The following SGPP2 variants were observed in gnomAD, a reference collection of about 807,000 sequenced individuals.
The protein encoded by SGPP2 is sphingosine-1-phosphate phosphatase 2.
Under a neutral mutation model 33.9 loss-of-function variants are expected in SGPP2, and 30 were observed. That is an observed-to-expected ratio of 0.89 (90% confidence interval 0.66 to 1.20). The LOEUF (loss-of-function observed/expected upper bound fraction) is 1.20, where lower values mean the gene tolerates loss of function less well. Among genes scored for constraint, SGPP2 ranks in the 50% most tolerant of loss-of-function variants. The pLI, the probability that SGPP2 is intolerant of heterozygous loss-of-function variation, is 0.00. For synonymous variants in SGPP2, 233 were observed against 225.0 expected, an observed-to-expected ratio of 1.04 and a Z score of -0.32; for missense variants, 458 against 532.1, an observed-to-expected ratio of 0.86 and a Z score of 1.37.
chr2:222,459,651 T>C (rs905673866), intron 1 of SGPP2, among the ~76,000 whole-genome samples: 185 of 151,190 alleles, frequency 1.2e-3, no homozygotes, highest in African/African-American at 4.2e-3. Context: ...CTCAGAGAGA[T>C]TGAGAGAGAG....
intron 4 of SGPP2, among the ~76,000 whole-genome samples, chr2:222,547,918 G>A (rs1436594084): frequency 6.6e-6 from 1 of 152,080 alleles, no homozygotes. Context: ...ATTAATTAAT[G>A]AAAGTACCAG....
chr2:222,506,766 A>G (rs895796378), intron 2 of SGPP2, among the ~76,000 whole-genome samples: 23 of 152,218 alleles, frequency 1.5e-4, no homozygotes, highest in African/African-American at 5.3e-4. Context: ...ATTACAAAAC[A>G]TAACTAACGA....
chr2:222,431,913 G>A (rs1697163456), intron 1 of SGPP2, among the ~76,000 whole-genome samples: 1 of 152,194 alleles, frequency 6.6e-6, no homozygotes, highest in African/African-American at 2.4e-5. Flanking sequence ...CAGCCTCCCT[G>A]GAGAAAGGCA....
chr2:222,424,913 C>G (rs1266964111), intron 1 of SGPP2, 92 bp downstream of exon 1: 2 of 1,069,616 alleles, frequency 1.9e-6, no homozygotes, highest in Non-Finnish European at 2.4e-6. Flanking sequence ...CCGGCCGGGC[C>G]GAGAGGGCGC....
At position 222,558,471 on chromosome 2, in the gene SGPP2, T is replaced by A; in HGVS notation, c.773T>A (p.Phe258Tyr). 1.2e-6 allele frequency: 2 copies of A among 1,614,140 alleles called. No homozygotes were observed. Among genetic ancestry groups the A allele is most frequent in the Non-Finnish European group, 1.7e-6 (2 of 1,180,018 alleles). ...LFPVCVIVVP[F>Y]FLCYNYPVSD... ...CCCGTGTGTGTCATAGTTGTGCCAT[T>A]CTTCCTGTGTTACAATTACCCTGTT... The change falls in exon 5 of 5, where the codon TTC (phenylalanine) becomes TAC (tyrosine). Residue 258 changes from phenylalanine (F) to tyrosine (Y), a missense_variant. Coordinates refer to ENST00000321276, the MANE Select transcript of SGPP2 (RefSeq NM_152386.4).
At chr2:222,470,242 C>T (rs1274408653) in intron 1 of SGPP2, among the ~76,000 whole-genome samples, 1 of 152,100 alleles carries the variant, frequency 6.6e-6, no homozygotes, top group Non-Finnish European at 1.5e-5. Context: ...TGTAACAAAC[C>T]TGCACGATCT....
intron 1 of SGPP2, among the ~76,000 whole-genome samples, chr2:222,444,142 G>A (rs58818706): frequency 6.6e-6 from 1 of 152,218 alleles, no homozygotes; most frequent in African/African-American, 2.4e-5. Context: ...TCTTGTTGTA[G>A]AGCATGGGTG....
rs769856819 is a variant in SGPP2 at position 222,424,693 on chromosome 2, C to T, written c.91C>T (p.Pro31Ser). 3.4e-6 allele frequency: 5 copies of T among 1,451,572 alleles called. No individual in the cohort carries two copies. Among genetic ancestry groups the T allele is most frequent in the South Asian group, 2.6e-5 (2 of 75,620 alleles). The allele number at this position is 1,451,572 out of a possible 1,614,324, so 89.9% of individuals were successfully genotyped here. Residue 31 changes from proline to serine, a missense_variant, in exon 1 of 5, where the codon CCC becomes TCC. By Grantham distance (74) the Pro-to-Ser change is moderately conservative (BLOSUM62 -1). Transcript: ENST00000321276. ...CGLFPAPDEG[P>S]RENGADPTER... ...GCTCTTCCCCGCTCCGGATGAAGGC[C>T]CCCGGGAGAACGGCGCGGACCCCAC... is the stretch of plus-strand genomic sequence containing the variant.
intron 2 of SGPP2, among the ~76,000 whole-genome samples, chr2:222,486,620 G>C (rs748253491): frequency 7.2e-5 from 11 of 152,134 alleles, no homozygotes; most frequent in Non-Finnish European, 1.3e-4. Flanking sequence ...TGCTAGATGC[G>C]GGGTTGTGGC....
At chr2:222,438,402 G>A (rs1413564277) in intron 1 of SGPP2, among the ~76,000 whole-genome samples, 10 of 152,216 alleles carry the variant, frequency 6.6e-5, no homozygotes, top group Non-Finnish European at 8.8e-5. Flanking sequence ...GATATCTTGC[G>A]AAAGTGAAAA....
At chr2:222,437,705 C>T (rs1273103806) in intron 1 of SGPP2, among the ~76,000 whole-genome samples, 1 of 152,200 alleles carries the variant, frequency 6.6e-6, no homozygotes, top group African/African-American at 2.4e-5. Context: ...GGTCAGAAAG[C>T]ACCCAGTTCA....
At position 222,460,297 on chromosome 2, in the gene SGPP2, A is replaced by G; in HGVS notation, c.220-14271A>G. On this transcript the variant is annotated intron_variant, in intron 1 of 4. Coordinates refer to ENST00000321276, the MANE Select transcript of SGPP2 (RefSeq NM_152386.4). The surrounding 1 kb of genome is among the most constrained non-coding windows in gnomAD (Gnocchi z 4.3). ...TTTTATTCATCTTCCAGGATGGCCCATGAGACTCCCTGAGTACCCAGCTGT... is the reference window on the plus strand; with the variant it reads ...TTTTATTCATCTTCCAGGATGGCCCGTGAGACTCCCTGAGTACCCAGCTGT... Among the ~76,000 whole-genome samples the G allele has an allele frequency of 6.6e-6, 1 of 152,164 alleles. No homozygotes were observed. Among genetic ancestry groups the G allele is most frequent in the South Asian group, 2.1e-4 (1 of 4,816 alleles).
At chr2:222,443,863 C>A (rs1439663814) in intron 1 of SGPP2, among the ~76,000 whole-genome samples, 1 of 152,152 alleles carries the variant, frequency 6.6e-6, no homozygotes, top group African/African-American at 2.4e-5. Context: ...TGTCATGTAA[C>A]CTCTACTGTA....
At position 222,432,181 on chromosome 2, in the gene SGPP2, G is replaced by A. The variant is rs150563991; in HGVS notation, c.219+7360G>A. ...CAGGCTGTCTCTGTGCAGGATTGATGGAGGTGCTTGTGTGAGTATGGAGGG... is the reference window on the plus strand; with the variant it reads ...CAGGCTGTCTCTGTGCAGGATTGATAGAGGTGCTTGTGTGAGTATGGAGGG... On this transcript the variant is annotated intron_variant, in intron 1 of 4. Transcript: ENST00000321276. Among the ~76,000 whole-genome samples the A allele has an allele frequency of 3.6e-3, 549 of 152,322 alleles. 5 individuals are homozygous for A. The highest frequency in any genetic ancestry group is 6.5e-3 in the Non-Finnish European group (440 of 68,022).
intron 2 of SGPP2, among the ~76,000 whole-genome samples, chr2:222,521,264 A>T (rs1574875317): frequency 6.6e-6 from 1 of 152,246 alleles, no homozygotes; most frequent in East Asian, 1.9e-4. Context: ...GTATTAGGTT[A>T]TCTTTAGTGC....
At chr2:222,528,726 C>T (rs960006926) in intron 4 of SGPP2, among the ~76,000 whole-genome samples, 3 of 150,144 alleles carry the variant, frequency 2.0e-5, no homozygotes, top group Non-Finnish European at 4.4e-5. Context: ...AAGCAATTCT[C>T]ATACCTCGGC....
chr2:222,448,708 A>G (rs1200225509), intron 1 of SGPP2, among the ~76,000 whole-genome samples: 2 of 152,196 alleles, frequency 1.3e-5, no homozygotes, highest in Admixed American at 6.5e-5. Context: ...CAAATTCACA[A>G]GTTTATAAAT....
intron 1 of SGPP2, among the ~76,000 whole-genome samples, chr2:222,467,230 C>T (rs1697759726): frequency 6.6e-6 from 1 of 152,170 alleles, no homozygotes; most frequent in Non-Finnish European, 1.5e-5. Flanking sequence ...ACATCAAAAT[C>T]TGCTCATTAA....
At chr2:222,536,544 G>T (rs1036480534) in intron 4 of SGPP2, among the ~76,000 whole-genome samples, 1 of 152,126 alleles carries the variant, frequency 6.6e-6, no homozygotes, top group African/African-American at 2.4e-5. Flanking sequence ...GCCAGGCATG[G>T]TAGCAGGCAC....
Sources: allele counts gnomAD v4.1 joint callset (sites outside exome capture counted in the v4.1 genomes callset), GRCh38; gene constraint gnomAD v4.1.1; non-coding constraint Gnocchi (gnomAD v3.1); transcripts MANE v1.5; gene names NCBI Gene and HGNC (gene_info 2026-07-23, HGNC 2026-07-21).